The following CLCN2 variants were observed in gnomAD, a reference collection of about 807,000 sequenced individuals.
CLCN2 encodes chloride channel protein 2.
In CLCN2, 72 loss-of-function variants were observed where a neutral mutation model predicts 108.3. The ratio of observed to expected loss-of-function variants is 0.66; its 90% CI spans 0.55 to 0.81. The LOEUF is 0.81. Ranked by LOEUF, CLCN2 falls within the 30% of genes least tolerant of loss-of-function variation. The probability of loss-of-function intolerance (pLI) is 0.00; values close to 1 mark genes in which losing one functional copy is unlikely to be tolerated. For missense variants in CLCN2, 1,048 were observed against 1,205.2 expected (o/e 0.87, Z 1.93); for synonymous variants, 471 against 467.1 (o/e 1.01, Z -0.11).
chr3:184,354,034 C>A, intron 15 of CLCN2, 67 bp downstream of exon 15: 1 of 1,521,482 alleles, frequency 6.6e-7, no homozygotes, highest in Non-Finnish European at 9.1e-7. Context: ...CTAGAGGTGG[C>A]TGTAGGGGGA....
At position 184,346,762 on chromosome 3, in the gene CLCN2, A is replaced by T. The variant is rs755151764; in HGVS notation, c.2541T>A (p.Gly847=). ...KAIEGSVTAQ[G]VKVRPPLASF... is the part of the protein sequence containing the mutation. ...TGGCGAGGGGCGGCCGGACTTTCACACCCTGTGCTGTGACAGAGCCCTCGA... is the reference window on the plus strand; with the variant it reads ...TGGCGAGGGGCGGCCGGACTTTCACTCCCTGTGCTGTGACAGAGCCCTCGA... The change falls in exon 24 of 24, where the codon GGT becomes GGA. Residue 847 remains glycine (G), a synonymous_variant. Coordinates refer to ENST00000265593, the MANE Select transcript of CLCN2 (RefSeq NM_004366.6). This position sits in a 1 kb window ranked among gnomAD's most constrained non-coding sequence, Gnocchi z 6.0. 2 of 1,613,784 alleles carry T rather than the reference A, an allele frequency of 1.2e-6. No individual in the cohort carries two copies. Among genetic ancestry groups the T allele is most frequent in the Non-Finnish European group, 1.7e-6 (2 of 1,179,956 alleles).
chr3:184,349,471 T>G (rs1421783474), intron 22 of CLCN2: 2 of 152,112 alleles, frequency 1.3e-5, no homozygotes, highest in Non-Finnish European at 2.9e-5. Context: ...ACAGTCTCAC[T>G]ATGTTGCCCA....
intron 1 of CLCN2, among the ~76,000 whole-genome samples, chr3:184,360,831 C>A (rs1346887225): frequency 1.3e-5 from 2 of 152,246 alleles, no homozygotes; most frequent in Non-Finnish European, 2.9e-5. Context: ...CCAATTCCCA[C>A]ACCCATTCCT....
intron 1 of CLCN2, among the ~76,000 whole-genome samples, chr3:184,360,129 G>T (rs909572530): frequency 6.6e-6 from 1 of 152,056 alleles, no homozygotes; most frequent in Admixed American, 6.6e-5. Flanking sequence ...AGAGAAAGAA[G>T]GGGATGAGAG....
intron 22 of CLCN2, among the ~76,000 whole-genome samples, chr3:184,350,083 T>C (rs576529520): frequency 6.6e-6 from 1 of 152,386 alleles, no homozygotes; most frequent in East Asian, 1.9e-4. Context: ...TCTAGTTCTT[T>C]GTACTTTTGT....
intron 1 of CLCN2, among the ~76,000 whole-genome samples, chr3:184,359,988 G>C (rs893631806): frequency 1.3e-5 from 2 of 151,242 alleles, no homozygotes; most frequent in African/African-American, 2.4e-5. Context: ...GGCTGGGATG[G>C]GGGGGAGGGA....
intron 2 of CLCN2, 59 bp downstream of exon 2, chr3:184,358,916 G>A: frequency 6.2e-7 from 1 of 1,613,180 alleles, no homozygotes; most frequent in South Asian, 1.1e-5. Context: ...CAGCTCTAAT[G>A]GCCTCTGCTT....
intron 22 of CLCN2, among the ~76,000 whole-genome samples, chr3:184,351,027 C>T (rs1279318850): frequency 6.6e-6 from 1 of 152,196 alleles, no homozygotes; most frequent in Non-Finnish European, 1.5e-5. Context: ...TTTCTTGCAA[C>T]TGCACTGCAG....
chr3:184,352,913 T>C, intron 18 of CLCN2, 103 bp from the exon 19 acceptor site: 1 of 1,535,018 alleles, frequency 6.5e-7, no homozygotes, highest in South Asian at 1.1e-5. Context: ...GTTCCAGCCC[T>C]GGCCCATGTG....
At chr3:184,353,844 G>A (rs1225549774) in intron 15 of CLCN2, 49 bp from the exon 16 acceptor site, 4 of 1,589,050 alleles carry the variant, frequency 2.5e-6, no homozygotes, top group Non-Finnish European at 3.4e-6. Flanking sequence ...GGGGAGAGGT[G>A]CCCAGAGCAT....
intron 2 of CLCN2, 32 bp downstream of exon 2, chr3:184,358,943 G>A: frequency 2.5e-6 from 4 of 1,613,450 alleles, no homozygotes; most frequent in Non-Finnish European, 3.4e-6. Flanking sequence ...GCACAGCACA[G>A]CCAGGTCCCC....
At chr3:184,351,292 G>A (rs1577306471) in intron 22 of CLCN2, among the ~76,000 whole-genome samples, 1 of 152,042 alleles carries the variant, frequency 6.6e-6, no homozygotes, top group Admixed American at 6.6e-5. Context: ...ACACCCCTTG[G>A]CTTCTGCTGG....
At chr3:184,350,465 C>T (rs532194073) in intron 22 of CLCN2, among the ~76,000 whole-genome samples, 6 of 152,084 alleles carry the variant, frequency 3.9e-5, no homozygotes, top group East Asian at 1.9e-4. Flanking sequence ...GATGGAGTTT[C>T]GCTTTTGTCA....
chr3:184,347,325 T>C (rs1468338904), intron 22 of CLCN2: 2 of 444,314 alleles, frequency 4.5e-6, no homozygotes, highest in Admixed American at 3.4e-5. Flanking sequence ...AGAACAACTG[T>C]TCACACGTGA....
intron 16 of CLCN2, 112 bp downstream of exon 16, chr3:184,353,544 GGCAAGT>G: frequency 6.4e-7 from 1 of 1,550,876 alleles, no homozygotes; most frequent in Non-Finnish European, 8.7e-7. Context: ...GCCCCCACCT[GGCAAGT>G]GCTGGTCCAT....
At position 184,346,730 on chromosome 3, in the gene CLCN2, C is replaced by G; in HGVS notation, c.2573G>C (p.Arg858Pro). 6.2e-7 allele frequency: 1 copy of G among 1,614,196 alleles called. No individual in the cohort carries two copies. The highest frequency in any genetic ancestry group is 8.5e-7 in the Non-Finnish European group (1 of 1,180,034). ...VKVRPPLASF[R>P]DSATSSSDTE... ...GTCACTGCTGCTGGTGGCACTGTCT[C>G]GGAAGCTGGCGAGGGGCGGCCGGAC... The change falls in exon 24 of 24, where the codon CGA becomes CCA. Residue 858 changes from arginine (R) to proline (P), a missense_variant. Physicochemically the swap from Arg to Pro is moderately radical, Grantham distance 103. Transcript: ENST00000265593. This position sits in a 1 kb window ranked among gnomAD's most constrained non-coding sequence, Gnocchi z 6.0.
At chr3:184,347,050 CT>C in intron 22 of CLCN2, 29 bp from the exon 23 acceptor site, 1 of 1,586,528 alleles carries the variant, frequency 6.3e-7, no homozygotes, top group Admixed American at 1.7e-5. Context: ...AGCGATTGGA[CT>C]TGATGGACGA....
intron 1 of CLCN2, among the ~76,000 whole-genome samples, chr3:184,359,914 G>A (rs895195653): frequency 6.6e-6 from 1 of 151,594 alleles, no homozygotes; most frequent in Admixed American, 6.6e-5. Flanking sequence ...TGTGTTGGGG[G>A]GCGGGGAGGA....
intron 15 of CLCN2, 80 bp from the exon 16 acceptor site, chr3:184,353,875 GA>G: frequency 6.4e-7 from 1 of 1,561,544 alleles, no homozygotes; most frequent in Non-Finnish European, 8.7e-7. Context: ...GGGCCACAAG[GA>G]GGGCTCCAGA....
Sources: allele counts gnomAD v4.1 joint callset (sites outside exome capture counted in the v4.1 genomes callset), GRCh38; gene constraint gnomAD v4.1.1; non-coding constraint Gnocchi (gnomAD v3.1); transcripts MANE v1.5; gene names NCBI Gene and HGNC (gene_info 2026-07-23, HGNC 2026-07-21).